FBN1: variants seen among roughly 807,000 people sequenced by gnomAD.
FBN1 encodes fibrillin-1.
FBN1 carries 29 observed loss-of-function variants against 365.1 expected under a neutral mutation model. The ratio of observed to expected loss-of-function variants is 0.08; its 90% CI spans 0.06 to 0.11. The LOEUF is 0.11. Among genes scored for constraint, FBN1 ranks in the 10% least tolerant of loss-of-function variants. The pLI, the probability that FBN1 is intolerant of heterozygous loss-of-function variation, is 1.00. For synonymous variants in FBN1, 1,210 were observed against 1,270.5 expected (o/e 0.95, Z 1.01); for missense variants, 2,476 against 3,703.2 (o/e 0.67, Z 8.60).
intron 65 of FBN1, 76 bp from the exon 66 acceptor site, chr15:48,411,455 T>A: frequency 7.2e-7 from 1 of 1,386,350 alleles, no homozygotes; most frequent in Non-Finnish European, 1.0e-6. Context: ...AAAAAATGAC[T>A]CAAATTTCAC....
Position 48,583,837 on chromosome 15 carries a change from C to T in FBN1, c.538+12446G>A, listed in dbSNP as rs1255844416. Among the ~76,000 whole-genome samples, 32 of 152,196 alleles carry T rather than the reference C, an allele frequency of 2.1e-4. 1 individual carries two copies. Among genetic ancestry groups the T allele is most frequent in the Admixed American group, 2.1e-3 (32 of 15,278 alleles). On this transcript the variant is annotated intron_variant, in intron 6 of 65. Coordinates refer to ENST00000316623, the MANE Select transcript of FBN1 (RefSeq NM_000138.5). ...ATTGTAGTTTTAGCCTTCATTACAA[C>T]TGCAACAGTTGAATGTGTACTAAAG...
At chr15:48,529,725 T>C (rs909629338) in intron 8 of FBN1, 9 of 149,456 alleles carry the variant, frequency 6.0e-5, no homozygotes, top group Admixed American at 6.0e-4. Flanking sequence ...TAACTTTGAT[T>C]GTACAAACTC....
chr15:48,552,162 ATC>A (rs2044147138), intron 6 of FBN1, among the ~76,000 whole-genome samples: 2 of 152,228 alleles, frequency 1.3e-5, no homozygotes, highest in African/African-American at 4.8e-5. Flanking sequence ...CCTCTGCAGC[ATC>A]TGTTATTTTT....
intron 31 of FBN1, among the ~76,000 whole-genome samples, chr15:48,482,224 A>ACTCC (rs2043470895): frequency 6.6e-6 from 1 of 152,236 alleles, no homozygotes; most frequent in Non-Finnish European, 1.5e-5. Context: ...CAAATTAAAA[A>ACTCC]TTATTCATTT....
intron 47 of FBN1, among the ~76,000 whole-genome samples, chr15:48,446,403 AT>A (rs752624662): frequency 6.6e-6 from 1 of 152,180 alleles, no homozygotes; most frequent in Non-Finnish European, 1.5e-5. Context: ...ACCATGCCTA[AT>A]TTATAAATTA....
chr15:48,605,971 G>C (rs771522829), intron 4 of FBN1, among the ~76,000 whole-genome samples: 13 of 152,098 alleles, frequency 8.5e-5, no homozygotes, highest in Non-Finnish European at 1.3e-4. Context: ...CACATAAAAA[G>C]ATGTTTGACA....
intron 32 of FBN1, among the ~76,000 whole-genome samples, chr15:48,478,679 G>A (rs1027770061): frequency 3.9e-5 from 6 of 152,114 alleles, no homozygotes; most frequent in African/African-American, 7.2e-5. Context: ...TGTGTTCTGC[G>A]TTTCAAGCAA....
chr15:48,533,716 A>T (rs551780129), intron 8 of FBN1, among the ~76,000 whole-genome samples: 1 of 152,192 alleles, frequency 6.6e-6, no homozygotes, highest in Non-Finnish European at 1.5e-5. Context: ...ACTTCGGAAG[A>T]TATATTATTC....
intron 53 of FBN1, among the ~76,000 whole-genome samples, chr15:48,436,328 T>C (rs1268368127): frequency 1.3e-5 from 2 of 152,172 alleles, no homozygotes; most frequent in Admixed American, 1.3e-4. Context: ...TGATTTCTTG[T>C]ATGGAAAAAG....
chr15:48,534,635 A>G (rs867402397), intron 7 of FBN1, among the ~76,000 whole-genome samples: 5 of 152,230 alleles, frequency 3.3e-5, no homozygotes, highest in African/African-American at 1.2e-4. Flanking sequence ...CAATGAAACT[A>G]CCTTTAAGAG....
intron 3 of FBN1, 115 bp from the exon 4 acceptor site, chr15:48,610,941 C>T (rs1197517664): frequency 2.6e-6 from 2 of 783,914 alleles, no homozygotes; most frequent in African/African-American, 1.7e-5. Context: ...ACTTTGCTAT[C>T]ATGACTTATA....
chr15:48,619,718 A>T (rs75482156), intron 2 of FBN1, among the ~76,000 whole-genome samples: 1,901 of 151,812 alleles, frequency 0.013, 40 homozygotes, highest in African/African-American at 0.044. Flanking sequence ...TTTTTTACCA[A>T]CCCAAAGGTT....
chr15:48,608,649 T>G (rs2044631853), intron 4 of FBN1, among the ~76,000 whole-genome samples: 2 of 152,194 alleles, frequency 1.3e-5, no homozygotes, highest in African/African-American at 4.8e-5. Flanking sequence ...CTCCTTACAC[T>G]ACTCTCATCC....
chr15:48,496,051 T>C, intron 20 of FBN1, 49 bp downstream of exon 20: 2 of 1,609,856 alleles, frequency 1.2e-6, no homozygotes, highest in Non-Finnish European at 1.7e-6. Context: ...TCTAATGGCA[T>C]TCCAAAAGAT....
intron 40 of FBN1, among the ~76,000 whole-genome samples, chr15:48,464,840 T>C (rs897037257): frequency 1.3e-5 from 2 of 152,226 alleles, no homozygotes; most frequent in Admixed American, 1.3e-4. Context: ...TTGATTCTAA[T>C]CTTTGTTAAC....
intron 63 of FBN1, among the ~76,000 whole-genome samples, chr15:48,417,571 T>C (rs775902597): frequency 6.6e-6 from 1 of 151,936 alleles, no homozygotes; most frequent in African/African-American, 2.4e-5. Context: ...TGAAAATCTT[T>C]TGTATCCAAA....
At chr15:48,594,328 C>G (rs989540250) in intron 6 of FBN1, among the ~76,000 whole-genome samples, 4 of 152,176 alleles carry the variant, frequency 2.6e-5, no homozygotes, top group African/African-American at 4.8e-5. Context: ...TACTAACGGG[C>G]AAGCCTGCCT....
At chr15:48,478,616 T>C (rs1019370488) in intron 32 of FBN1, among the ~76,000 whole-genome samples, 4 of 152,100 alleles carry the variant, frequency 2.6e-5, no homozygotes, top group South Asian at 2.1e-4. Flanking sequence ...AAGCCTTACA[T>C]TGGGTCATAG....
rs147092263 is a variant in FBN1 at position 48,520,837 on chromosome 15, TAC to T, written c.989-22_989-21del. On this transcript the variant is annotated intron_variant, in intron 9 of 65. Coordinates refer to ENST00000316623, the MANE Select transcript of FBN1 (RefSeq NM_000138.5). ...GAACATCTGAGGACAAAGAAACACA[TAC>T]ACACACACACATCGCTGAGATAATA... 120 of 1,609,330 alleles carry T rather than the reference TAC, an allele frequency of 7.5e-5. No individual in the cohort carries two copies. Among genetic ancestry groups the T allele is most frequent in the Non-Finnish European group, 4.8e-5 (56 of 1,176,518 alleles).
Sources: gnomAD v4.1 joint callset for allele counts (sites outside exome capture counted in the v4.1 genomes callset) on GRCh38, gnomAD v4.1.1 for gene constraint, MANE v1.5 for transcripts, NCBI Gene and HGNC (gene_info 2026-07-23, HGNC 2026-07-21) for gene names.